The following CDC73 variants were observed in gnomAD, a reference collection of about 807,000 sequenced individuals.
CDC73 encodes the protein parafibromin.
In CDC73, 21 loss-of-function variants were observed where a neutral mutation model predicts 83.7. That is an observed-to-expected ratio of 0.25 (90% CI 0.18 to 0.36). The LOEUF (loss-of-function observed/expected upper bound fraction) is 0.36. CDC73 is among the 10% of genes least tolerant of loss of function. The pLI is 1.00. For synonymous variants in CDC73, 224 were observed against 212.9 expected, an observed-to-expected ratio of 1.05 and a Z score of -0.45; for missense variants, 342 against 653.3, an observed-to-expected ratio of 0.52 and a Z score of 5.19.
chr1:193,201,994 T>C (rs1677099383), intron 10 of CDC73, among the ~76,000 whole-genome samples: 1 of 152,172 alleles, frequency 6.6e-6, no homozygotes, highest in African/African-American at 2.4e-5. Flanking sequence ...GGACAGAAGA[T>C]GTCTGCATAT....
At position 193,226,471 on chromosome 1, in the gene CDC73, T is replaced by G. The variant is rs567707725; in HGVS notation, c.1155-6522T>G. ...GCTGTGGGTTTGTCATAGATGACTTTTATTGCATTGAGGTATGTCTCTTGT... is the reference window on the plus strand; with the variant it reads ...GCTGTGGGTTTGTCATAGATGACTTGTATTGCATTGAGGTATGTCTCTTGT... On this transcript the variant is annotated intron_variant, in intron 13 of 16. Transcript: ENST00000367435. Among the ~76,000 whole-genome samples the G allele has an allele frequency of 1.9e-4, 29 of 152,342 alleles. No homozygotes were observed. The South Asian group carries it at 6.0e-3, about 32-fold the overall frequency.
intron 10 of CDC73, among the ~76,000 whole-genome samples, chr1:193,191,692 C>G (rs1676921345): frequency 6.6e-6 from 1 of 152,090 alleles, no homozygotes; most frequent in South Asian, 2.1e-4. Context: ...TGGCCTCTAT[C>G]ATTAATGTCT....
At chr1:193,180,237 C>G in intron 10 of CDC73, 1 of 1,456,330 alleles carries the variant, frequency 6.9e-7, no homozygotes, top group African/African-American at 1.4e-5. Context: ...TCAGTTCTAA[C>G]TATACATGCT....
chr1:193,125,067 G>A lies in CDC73; in HGVS notation c.132-45G>A, dbSNP rs560919713. 9.5e-6 allele frequency: 9 copies of A among 951,376 alleles called. No individual in the cohort carries two copies. The South Asian group carries it at 1.0e-4, about 11-fold the overall frequency. The allele number at this position is 951,376 out of a possible 1,614,324, so 58.9% of individuals were successfully genotyped here. On this transcript the variant is annotated intron_variant, in intron 1 of 16. Coordinates refer to ENST00000367435, the MANE Select transcript of CDC73 (RefSeq NM_024529.5). ...ATAAATGAATCCAGCCTGAAGAGTT[G>A]AATTAGAATTGTCAGTAAAAAAAAT...
chr1:193,192,259 A>C (rs915808049), intron 10 of CDC73, among the ~76,000 whole-genome samples: 1 of 152,164 alleles, frequency 6.6e-6, no homozygotes, highest in African/African-American at 2.4e-5. Flanking sequence ...CCTGGCTGAC[A>C]TGGCAAAACC....
chr1:193,123,317 T>A (rs537349325), intron 1 of CDC73, among the ~76,000 whole-genome samples: 2 of 152,212 alleles, frequency 1.3e-5, no homozygotes, highest in African/African-American at 4.8e-5. Context: ...AATCTTTGCC[T>A]CCTGGGTTCA....
chr1:193,181,380 T>C (rs1197204597), intron 10 of CDC73: 1 of 1,614,026 alleles, frequency 6.2e-7, no homozygotes, highest in Non-Finnish European at 8.5e-7. Flanking sequence ...GGAAAGTGTA[T>C]GTCACAGGGT....
At chr1:193,210,523 G>C (rs1234271623) in intron 11 of CDC73, among the ~76,000 whole-genome samples, 1 of 152,072 alleles carries the variant, frequency 6.6e-6, no homozygotes, top group Non-Finnish European at 1.5e-5. Flanking sequence ...TATTCATCTT[G>C]TGTTAGGTTA....
At chr1:193,142,097 G>A (rs778671086) in intron 7 of CDC73, 31 bp downstream of exon 7, 2 of 1,529,000 alleles carry the variant, frequency 1.3e-6, no homozygotes, top group Non-Finnish European at 1.8e-6. Context: ...ATTCATTGGA[G>A]TGAGAGAGAG....
At chr1:193,181,212 A>T in intron 10 of CDC73, 1 of 1,613,988 alleles carries the variant, frequency 6.2e-7, no homozygotes, top group Middle Eastern at 1.6e-4. Context: ...TTCCATTGGC[A>T]CTAAGTGTAT....
At chr1:193,217,615 C>A (rs369568241) in intron 13 of CDC73, among the ~76,000 whole-genome samples, 2 of 151,984 alleles carry the variant, frequency 1.3e-5, no homozygotes, top group Admixed American at 1.3e-4. Context: ...CTTGTGTCTT[C>A]TTCTGCTGAT....
At chr1:193,199,616 A>G (rs1451891532) in intron 10 of CDC73, among the ~76,000 whole-genome samples, 1 of 151,232 alleles carries the variant, frequency 6.6e-6, no homozygotes, top group African/African-American at 2.4e-5. Flanking sequence ...GAGTGGCTCA[A>G]GCAGGAGACT....
intron 10 of CDC73, among the ~76,000 whole-genome samples, chr1:193,197,452 C>G (rs765606631): frequency 6.6e-6 from 1 of 152,140 alleles, no homozygotes; most frequent in Admixed American, 6.5e-5. Flanking sequence ...GACAGAAACA[C>G]ATATGCATAT....
At position 193,254,014 on chromosome 1, in the gene CDC73, C is replaced by T. The variant is rs1335045868; in HGVS notation, c.*3302C>T. 1.4e-5 allele frequency: 3 copies of T among 222,002 alleles called. No individual in the cohort carries two copies. Among genetic ancestry groups the T allele is most frequent in the Non-Finnish European group, 9.0e-6 (1 of 111,300 alleles). The allele number at this position is 222,002 out of a possible 1,614,324, so 13.8% of individuals were successfully genotyped here. A position where few individuals can be genotyped will look rare whatever the true frequency, so the allele number is the denominator to read the frequency against. On this transcript the variant is annotated 3_prime_UTR_variant, in exon 17 of 17. Coordinates refer to ENST00000367435, the MANE Select transcript of CDC73 (RefSeq NM_024529.5). Reference sequence around the variant, plus strand: ...ATATTTTATAATATTACAAATACAACAATTATTTATAAAAGCTAGTCAAAT... The same window carrying T: ...ATATTTTATAATATTACAAATACAATAATTATTTATAAAAGCTAGTCAAAT...
intron 10 of CDC73, among the ~76,000 whole-genome samples, chr1:193,191,115 T>C (rs1221194459): frequency 6.6e-6 from 1 of 152,230 alleles, no homozygotes; most frequent in Non-Finnish European, 1.5e-5. Context: ...TGTTCAGTTT[T>C]AACGTGCACT....
chr1:193,134,553 C>A (rs945894407), intron 3 of CDC73, among the ~76,000 whole-genome samples: 2 of 152,100 alleles, frequency 1.3e-5, no homozygotes, highest in Admixed American at 6.6e-5. Flanking sequence ...TGCCTGTAGT[C>A]CCAGCTACTC....
At chr1:193,219,894 G>A (rs1310152456) in intron 13 of CDC73, among the ~76,000 whole-genome samples, 2 of 152,150 alleles carry the variant, frequency 1.3e-5, no homozygotes, top group Non-Finnish European at 2.9e-5. Flanking sequence ...GGAAAGAACA[G>A]CAAAATAAAG....
At chr1:193,164,407 G>T (rs146626967) in intron 10 of CDC73, among the ~76,000 whole-genome samples, 31 of 152,284 alleles carry the variant, frequency 2.0e-4, no homozygotes, top group African/African-American at 7.2e-4. Context: ...TATACCATGA[G>T]AAACTGATTC....
intron 10 of CDC73, among the ~76,000 whole-genome samples, chr1:193,174,311 C>G (rs559793091): frequency 3.3e-5 from 5 of 151,776 alleles, no homozygotes; most frequent in South Asian, 4.2e-4. Flanking sequence ...TTTTCAGGAC[C>G]CTTTTTCTTC....
Sources: allele counts gnomAD v4.1 joint callset (sites outside exome capture counted in the v4.1 genomes callset), GRCh38; gene constraint gnomAD v4.1.1; transcripts MANE v1.5; gene names NCBI Gene and HGNC (gene_info 2026-07-23, HGNC 2026-07-21).